Variants in ADGRL2 observed in about 807,000 individuals in gnomAD.
ADGRL2 encodes the protein calcium-independent alpha-latrotoxin receptor 2.
ADGRL2 carries 44 observed loss-of-function variants against 157.4 expected under a neutral mutation model. That is an observed-to-expected ratio of 0.28 (90% CI 0.22 to 0.36). ADGRL2 has a LOEUF of 0.36. Among genes scored for constraint, ADGRL2 ranks in the 10% least tolerant of loss-of-function variants. The probability of loss-of-function intolerance (pLI) is 1.00; values close to 1 mark genes in which losing one functional copy is unlikely to be tolerated. For synonymous variants in ADGRL2, 585 were observed against 624.7 expected (o/e 0.94, Z 0.95); for missense variants, 1,510 against 1,768.9 (o/e 0.85, Z 2.63).
chr1:81,383,250 T>C lies in ADGRL2; in HGVS notation c.-301-61786T>C, dbSNP rs147984548. 6.9e-3 allele frequency among the ~76,000 whole-genome samples: 1,054 copies of C among 152,298 alleles called. 7 individuals carry two copies. Among genetic ancestry groups the C allele is most frequent in the Non-Finnish European group, 0.01 (701 of 68,020 alleles). On this transcript the variant is annotated intron_variant, in intron 1 of 24. Coordinates refer to the ADGRL2 transcript ENST00000370721. ...ATTTCTTTTAAACTGATTTTTCCTG[T>C]GTATAAAAGTGATAGACCTGAGCTG...
chr1:81,771,329 C>T (rs962258057), intron 2 of ADGRL2, among the ~76,000 whole-genome samples: 6 of 152,250 alleles, frequency 3.9e-5, no homozygotes, highest in African/African-American at 1.4e-4. Flanking sequence ...AATTGCTGAG[C>T]ATCCTCTTTC....
intron 3 of ADGRL2, among the ~76,000 whole-genome samples, chr1:81,936,493 TA>T (rs1324705227): frequency 6.6e-6 from 1 of 151,944 alleles, no homozygotes. Flanking sequence ...TGTTGGCCAT[TA>T]TTTTTTTACT....
rs561199655 is a variant in ADGRL2 at position 81,991,535 on chromosome 1, C to T, written c.*390C>T. ...GGCCTGCATTGTATTATATACAAGA[C>T]GTAGGCTTTAAAATCCTGTGGGACA... On this transcript the variant is annotated 3_prime_UTR_variant, in exon 24 of 24. Transcript: ENST00000686636. 1.9e-3 allele frequency: 296 copies of T among 159,518 alleles called. No homozygotes were observed. Among genetic ancestry groups the T allele is most frequent in the Non-Finnish European group, 3.5e-3 (254 of 72,154 alleles). The allele number at this position is 159,518 out of a possible 1,614,324, so 9.9% of individuals were successfully genotyped here. A position where few individuals can be genotyped will look rare whatever the true frequency, so the allele number is the denominator to read the frequency against.
chr1:81,782,744 T>C (rs893351448), intron 2 of ADGRL2, among the ~76,000 whole-genome samples: 3 of 152,150 alleles, frequency 2.0e-5, no homozygotes, highest in African/African-American at 7.2e-5. Flanking sequence ...TGGAAGTCGG[T>C]GTAGGGTTTC....
At chr1:81,862,282 A>C (rs116710014) in intron 2 of ADGRL2, among the ~76,000 whole-genome samples, 8,539 of 152,230 alleles carry the variant, frequency 0.056, 299 homozygotes, top group Non-Finnish European at 0.079. Flanking sequence ...TATTGTTTTT[A>C]CGTTATGGGT....
chr1:81,572,818 G>T (rs6605239), intron 2 of ADGRL2, among the ~76,000 whole-genome samples: 3,803 of 151,612 alleles, frequency 0.025, 111 homozygotes, highest in African/African-American at 0.062. Flanking sequence ...ATGGTAATAA[G>T]CATTGTGACT....
At chr1:81,366,695 A>G (rs1570739354) in intron 1 of ADGRL2, among the ~76,000 whole-genome samples, 1 of 152,238 alleles carries the variant, frequency 6.6e-6, no homozygotes, top group African/African-American at 2.4e-5. Context: ...GAAATAAAAT[A>G]GTATGAAATG....
chr1:81,787,492 C>T (rs12143051), intron 2 of ADGRL2, among the ~76,000 whole-genome samples: 6,766 of 151,548 alleles, frequency 0.045, 193 homozygotes, highest in Non-Finnish European at 0.064. Flanking sequence ...CTATCTCTAC[C>T]GAAAATACAA....
At chr1:81,460,551 T>G (rs2077905065) in intron 2 of ADGRL2, among the ~76,000 whole-genome samples, 1 of 152,116 alleles carries the variant, frequency 6.6e-6, no homozygotes, top group Non-Finnish European at 1.5e-5. Context: ...TCTTAAAACT[T>G]TCTTTAAAAT....
At chr1:81,591,172 C>G (rs1195431797) in intron 3 of ADGRL2, among the ~76,000 whole-genome samples, 2 of 152,174 alleles carry the variant, frequency 1.3e-5, no homozygotes, top group African/African-American at 2.4e-5. Flanking sequence ...GCATAGTCTT[C>G]ATGAAAGAAG....
intron 1 of ADGRL2, among the ~76,000 whole-genome samples, chr1:81,818,730 A>G (rs2090672362): frequency 6.6e-6 from 1 of 152,204 alleles, no homozygotes; most frequent in South Asian, 2.1e-4. Context: ...TGCACAAATA[A>G]TTCTTATAAA....
intron 1 of ADGRL2, among the ~76,000 whole-genome samples, chr1:81,322,824 G>T (rs1018067458): frequency 1.3e-5 from 2 of 152,000 alleles, no homozygotes; most frequent in African/African-American, 4.8e-5. Context: ...CATAAACAAT[G>T]GATATGGATC....
chr1:81,623,367 G>C (rs955717522), intron 3 of ADGRL2, among the ~76,000 whole-genome samples: 4 of 152,182 alleles, frequency 2.6e-5, no homozygotes, highest in African/African-American at 9.7e-5. Flanking sequence ...TAAATTAGAA[G>C]ACTTCAAGAT....
intron 1 of ADGRL2, among the ~76,000 whole-genome samples, chr1:81,819,841 G>C (rs1161938260): frequency 6.6e-6 from 1 of 152,064 alleles, no homozygotes. Context: ...GATATTCTTT[G>C]GTTTCCTTAG....
At chr1:81,433,301 G>A (rs2077355108) in intron 1 of ADGRL2, among the ~76,000 whole-genome samples, 1 of 152,106 alleles carries the variant, frequency 6.6e-6, no homozygotes, top group South Asian at 2.1e-4. Context: ...GATTAGTGCA[G>A]GTCAATCTCC....
intron 1 of ADGRL2, chr1:81,722,755 CAAG>C (rs1473718365): frequency 1.2e-6 from 1 of 829,934 alleles, no homozygotes; most frequent in East Asian, 2.5e-5. Context: ...TAAGAAGGCT[CAAG>C]AAGAGCATGA....
At chr1:81,532,942 TTCTATCTA>T (rs10554439) in intron 2 of ADGRL2, among the ~76,000 whole-genome samples, 291 of 150,234 alleles carry the variant, frequency 1.9e-3, no homozygotes, top group African/African-American at 5.4e-3. Context: ...CAACAAAAAA[TTCTATCTA>T]TCTATCTATC....
intron 3 of ADGRL2, among the ~76,000 whole-genome samples, chr1:81,650,574 CAAAAAAAA>C (rs1180168819): frequency 1.6e-5 from 1 of 62,364 alleles, no homozygotes; most frequent in Non-Finnish European, 3.3e-5. Flanking sequence ...GACTCCATCT[CAAAAAAAA>C]AAAAAAAAAA....
chr1:81,452,701 A>G (rs1053341849), intron 2 of ADGRL2, among the ~76,000 whole-genome samples: 1 of 152,192 alleles, frequency 6.6e-6, no homozygotes, highest in Non-Finnish European at 1.5e-5. Flanking sequence ...CACCTAAAAG[A>G]GATATCAGAG....
Sources: allele counts gnomAD v4.1 joint callset (sites outside exome capture counted in the v4.1 genomes callset), GRCh38; gene constraint gnomAD v4.1.1; transcripts MANE v1.5; gene names NCBI Gene and HGNC (gene_info 2026-07-23, HGNC 2026-07-21).